The following CIMAP3 variants were observed in gnomAD, a reference collection of about 807,000 sequenced individuals.
The protein encoded by CIMAP3 is ciliary microtubule-associated protein 3.
the CIMAP3 span, among the ~76,000 whole-genome samples, chr1:111,341,507 T>C: frequency 6.6e-6 from 1 of 152,196 alleles, no homozygotes; most frequent in Non-Finnish European, 1.5e-5. Flanking sequence ...CACCAAATCT[T>C]GCTCTGTGTG....
the CIMAP3 span, chr1:111,351,124 G>T: frequency 1.3e-6 from 1 of 744,676 alleles, no homozygotes; most frequent in Non-Finnish European, 2.2e-6. Flanking sequence ...AATCACTAAG[G>T]CTAGATTACT....
the CIMAP3 span, among the ~76,000 whole-genome samples, chr1:111,350,726 C>T: frequency 6.6e-6 from 1 of 152,174 alleles, no homozygotes. Flanking sequence ...AATCTTTTGA[C>T]TTTTCTAAGC....
At chr1:111,326,848 T>C in the CIMAP3 span, among the ~76,000 whole-genome samples, 1 of 152,200 alleles carries the variant, frequency 6.6e-6, no homozygotes, top group African/African-American at 2.4e-5. Flanking sequence ...ATTAGTAATG[T>C]TGAGTTCTTT....
chr1:111,336,783 A>G, the CIMAP3 span, among the ~76,000 whole-genome samples: 2 of 152,202 alleles, frequency 1.3e-5, no homozygotes, highest in Non-Finnish European at 2.9e-5. Context: ...GCAGGATATT[A>G]TCCAGGAGAA....
chr1:111,329,088 T>G, the CIMAP3 span, among the ~76,000 whole-genome samples: 4 of 152,326 alleles, frequency 2.6e-5, no homozygotes, highest in East Asian at 7.7e-4. Context: ...GGATCTTATT[T>G]CTCCTTCACT....
At chr1:111,346,458 A>G in the CIMAP3 span, 6 of 677,382 alleles carry the variant, frequency 8.9e-6, no homozygotes, top group African/African-American at 3.7e-5. Flanking sequence ...CCAGCTACTG[A>G]GTTTACAATC....
At chr1:111,340,959 A>G in the CIMAP3 span, among the ~76,000 whole-genome samples, 1 of 151,920 alleles carries the variant, frequency 6.6e-6, no homozygotes, top group Non-Finnish European at 1.5e-5. Context: ...AACCAACCCA[A>G]ATGTCCAACA....
At chr1:111,332,678 C>T in the CIMAP3 span, among the ~76,000 whole-genome samples, 1 of 152,182 alleles carries the variant, frequency 6.6e-6, no homozygotes, top group Non-Finnish European at 1.5e-5. Flanking sequence ...GAGACACAGA[C>T]ACAGGGCTGC....
chr1:111,345,354 A>G, the CIMAP3 span, among the ~76,000 whole-genome samples: 1 of 152,172 alleles, frequency 6.6e-6, no homozygotes, highest in African/African-American at 2.4e-5. Context: ...ATTATTTCCT[A>G]TAAATTTCTT....
chr1:111,347,432 T>A, the CIMAP3 span, among the ~76,000 whole-genome samples: 2 of 152,062 alleles, frequency 1.3e-5, no homozygotes, highest in Non-Finnish European at 2.9e-5. Context: ...CAATGTCCTA[T>A]AGTCTACGTA....
chr1:111,332,483 C>A, the CIMAP3 span, among the ~76,000 whole-genome samples: 1,206 of 152,230 alleles, frequency 7.9e-3, 16 homozygotes, highest in African/African-American at 0.027. Context: ...ACTTGGCTGA[C>A]CTGGGGGCAT....
At chr1:111,351,127 A>C in the CIMAP3 span, 3 of 756,576 alleles carry the variant, frequency 4.0e-6, 1 homozygote, top group Middle Eastern at 4.9e-4. Context: ...CACTAAGGCT[A>C]GATTACTATG....
the CIMAP3 span, among the ~76,000 whole-genome samples, chr1:111,333,279 C>G: frequency 6.6e-5 from 10 of 152,196 alleles, no homozygotes; most frequent in Non-Finnish European, 1.2e-4. Context: ...GGGCTCCACA[C>G]TGCTGGGCTT....
At chr1:111,341,543 G>A in the CIMAP3 span, among the ~76,000 whole-genome samples, 2 of 152,232 alleles carry the variant, frequency 1.3e-5, no homozygotes, top group East Asian at 1.9e-4. Flanking sequence ...GCAAGTCACC[G>A]TCTCCCTGAA....
chr1:111,350,295 A>G, the CIMAP3 span: 3 of 1,204,156 alleles, frequency 2.5e-6, no homozygotes, highest in African/African-American at 3.1e-5. Flanking sequence ...GGGACTCTTA[A>G]TTAGGGGTCT....
At chr1:111,326,980 T>C in the CIMAP3 span, among the ~76,000 whole-genome samples, 4 of 152,290 alleles carry the variant, frequency 2.6e-5, no homozygotes, top group East Asian at 5.8e-4. Flanking sequence ...TCCTTGTATA[T>C]TGTGGATATT....
the CIMAP3 span, among the ~76,000 whole-genome samples, chr1:111,335,127 CAAAAAAA>C: frequency 0.019 from 565 of 29,352 alleles, 11 homozygotes; most frequent in African/African-American, 0.063. Flanking sequence ...GTCTCTGTCT[CAAAAAAA>C]AAAAAAAAAA....
chr1:111,348,384 AG>A, the CIMAP3 span: 1 of 947,320 alleles, frequency 1.1e-6, no homozygotes, highest in South Asian at 2.1e-5. Flanking sequence ...TTATTTCTGT[AG>A]CTTGAGGTGG....
At chr1:111,351,312 C>G in the CIMAP3 span, 1 of 1,581,060 alleles carries the variant, frequency 6.3e-7, no homozygotes, top group Non-Finnish European at 8.5e-7. Context: ...CCTACCTAAG[C>G]CTGTATTATA....
Sources: gnomAD v4.1 joint callset for allele counts (sites outside exome capture counted in the v4.1 genomes callset) on GRCh38, gnomAD v4.1.1 for gene constraint, MANE v1.5 for transcripts, NCBI Gene and HGNC (gene_info 2026-07-23, HGNC 2026-07-21) for gene names.